The following ARHGAP6 variants were observed in gnomAD, a reference collection of about 807,000 sequenced individuals.
ARHGAP6 encodes Rho GTPase activating protein 6.
In ARHGAP6, 16 loss-of-function variants were observed where a neutral mutation model predicts 55.7. The observed-to-expected ratio is 0.29, with a 90% CI of 0.19 to 0.44. The LOEUF (loss-of-function observed/expected upper bound fraction) is 0.44. ARHGAP6 is among the 20% of genes least tolerant of loss of function. The pLI, the probability that ARHGAP6 is intolerant of heterozygous loss-of-function variation, is 1.00. For synonymous variants in ARHGAP6, 382 were observed against 360.9 expected, an observed-to-expected ratio of 1.06 and a Z score of -0.66; for missense variants, 698 against 808.9, an observed-to-expected ratio of 0.86 and a Z score of 1.66.
At chrX:11,389,748 A>G (rs1433349913) in intron 1 of ARHGAP6, among the ~76,000 whole-genome samples, 3 of 112,361 alleles carry the variant, frequency 2.7e-5, no homozygotes, top group Non-Finnish European at 5.6e-5. Context: ...CATGGAAAAC[A>G]AAACAGAGGT....
intron 1 of ARHGAP6, 53 bp from the exon 2 acceptor site, chrX:11,254,760 T>C (rs2047471724): frequency 6.6e-6 from 7 of 1,055,320 alleles, no homozygotes; most frequent in African/African-American, 1.9e-5. Context: ...AGAGTTCACT[T>C]ACCTCTCACA....
chrX:11,214,981 G>A (rs915886355), intron 2 of ARHGAP6, among the ~76,000 whole-genome samples: 1 of 113,430 alleles, frequency 8.8e-6, no homozygotes, highest in Non-Finnish European at 1.9e-5. Context: ...CCCCAGTGTC[G>A]TTGTCTGGGG....
At chrX:11,202,135 A>C (rs187128936) in intron 2 of ARHGAP6, among the ~76,000 whole-genome samples, 1 of 109,580 alleles carries the variant, frequency 9.1e-6, no homozygotes, top group Non-Finnish European at 1.9e-5. Flanking sequence ...TTAGCAGAGA[A>C]GTTGACTGAG....
At chrX:11,366,336 T>C (rs961568404) in intron 1 of ARHGAP6, among the ~76,000 whole-genome samples, 1 of 112,596 alleles carries the variant, frequency 8.9e-6, no homozygotes, top group African/African-American at 3.2e-5. Flanking sequence ...TGATTCAATA[T>C]TTCATTCATT....
chrX:11,503,610 C>T (rs2050701946), intron 1 of ARHGAP6, among the ~76,000 whole-genome samples: 3 of 111,536 alleles, frequency 2.7e-5, no homozygotes, highest in Non-Finnish European at 5.6e-5. Context: ...GCCAAAGACT[C>T]GTTGCAGTCA....
chrX:11,377,362 G>C (rs2049213353), intron 1 of ARHGAP6, among the ~76,000 whole-genome samples: 1 of 112,470 alleles, frequency 8.9e-6, no homozygotes, highest in Admixed American at 9.4e-5. Context: ...CAAATCTATA[G>C]AGGCAGAAAG....
intron 1 of ARHGAP6, among the ~76,000 whole-genome samples, chrX:11,337,555 G>C (rs1365192029): frequency 8.9e-6 from 1 of 112,196 alleles, no homozygotes; most frequent in African/African-American, 3.2e-5. Context: ...AAGAAGGCTG[G>C]GCCAAGGGCT....
chrX:11,518,462 C>CTTTTTTTTTTTTT (rs368595944), intron 1 of ARHGAP6, among the ~76,000 whole-genome samples: 14 of 74,901 alleles, frequency 1.9e-4, no homozygotes, highest in African/African-American at 2.1e-4. Context: ...TTTTTTTTTT[C>CTTTTTTTTTTTTT]TTTTTTTTTT....
intron 1 of ARHGAP6, among the ~76,000 whole-genome samples, chrX:11,414,544 G>A (rs1449127680): frequency 9.2e-6 from 1 of 108,423 alleles, no homozygotes; most frequent in African/African-American, 3.4e-5. Flanking sequence ...CACGTACAGA[G>A]CAAACTGGAA....
chrX:11,407,731 T>A (rs979234859), intron 1 of ARHGAP6, among the ~76,000 whole-genome samples: 14 of 112,064 alleles, frequency 1.2e-4, no homozygotes, highest in Admixed American at 7.6e-4. Flanking sequence ...GATTTCCATA[T>A]CCCTGACTGC....
At chrX:11,155,286 TTTTA>T (rs919526832) in intron 10 of ARHGAP6, among the ~76,000 whole-genome samples, 3 of 111,885 alleles carry the variant, frequency 2.7e-5, no homozygotes, top group African/African-American at 9.8e-5. Flanking sequence ...CATGCCATTA[TTTTA>T]TTTATTTGTT....
chrX:11,202,816 A>C (rs1299679170), intron 2 of ARHGAP6, among the ~76,000 whole-genome samples: 1 of 105,616 alleles, frequency 9.5e-6, no homozygotes, highest in Non-Finnish European at 1.9e-5. Flanking sequence ...AAAAAAAAAA[A>C]AAAAAAAAAA....
At chrX:11,378,379 T>C (rs2049226130) in intron 1 of ARHGAP6, among the ~76,000 whole-genome samples, 1 of 112,639 alleles carries the variant, frequency 8.9e-6, no homozygotes, top group African/African-American at 3.2e-5. Context: ...ATGGTTACTT[T>C]TAATAAGAAC....
chrX:11,364,450 T>G (rs976645651), intron 1 of ARHGAP6, among the ~76,000 whole-genome samples: 2 of 111,122 alleles, frequency 1.8e-5, no homozygotes, highest in Non-Finnish European at 3.8e-5. Flanking sequence ...CCTCAGTTAG[T>G]TGCCTACCCA....
Position 11,202,799 on chromosome X carries a change from CAAAAAAAAAAAAAA to C in ARHGAP6, c.749-5817_749-5804del, listed in dbSNP as rs776633959. Among the ~76,000 whole-genome samples the C allele has an allele frequency of 8.5e-4, 8 of 9,457 alleles. No homozygotes were observed. The Admixed American group carries it at 8.8e-3, about 10-fold the overall frequency. 8.2% of individuals were successfully genotyped at this position (9,457 alleles called of 115,157 possible). A position where few individuals can be genotyped will look rare whatever the true frequency, so the allele number is the denominator to read the frequency against. ...TGGGTGACAGAGCAAGACTCCGTCT[CAAAAAAAAAAAAAA>C]AAAAAAAAAAAAAAAAGAACTGACT... On this transcript the variant is annotated intron_variant, in intron 2 of 12. Coordinates refer to ENST00000337414, the MANE Select transcript of ARHGAP6 (RefSeq NM_013427.3).
chrX:11,648,287 G>A (rs2052550585), intron 1 of ARHGAP6, among the ~76,000 whole-genome samples: 1 of 111,762 alleles, frequency 8.9e-6, no homozygotes, highest in Admixed American at 9.5e-5. Context: ...CAACTGTTAT[G>A]TATCAATTAT....
At chrX:11,368,044 A>G (rs1421318008) in intron 1 of ARHGAP6, among the ~76,000 whole-genome samples, 3 of 112,227 alleles carry the variant, frequency 2.7e-5, no homozygotes, top group Non-Finnish European at 5.6e-5. Context: ...CATTTACTAA[A>G]CCCACAAGTT....
intron 1 of ARHGAP6, among the ~76,000 whole-genome samples, chrX:11,430,104 G>T (rs914318498): frequency 1.8e-5 from 2 of 111,889 alleles, no homozygotes; most frequent in Non-Finnish European, 3.8e-5. Flanking sequence ...ACAACACAAG[G>T]TGGATCCCTG....
intron 1 of ARHGAP6, among the ~76,000 whole-genome samples, chrX:11,505,119 C>T (rs1034501678): frequency 1.8e-5 from 2 of 110,325 alleles, no homozygotes; most frequent in Non-Finnish European, 3.8e-5. Flanking sequence ...TAAATAAGAC[C>T]AACCTCCCAC....
Sources: allele counts gnomAD v4.1 joint callset (sites outside exome capture counted in the v4.1 genomes callset), GRCh38; gene constraint gnomAD v4.1.1; transcripts MANE v1.5; gene names NCBI Gene and HGNC (gene_info 2026-07-23, HGNC 2026-07-21).